PALM2AKAP2: variants seen among roughly 807,000 people sequenced by gnomAD.
PALM2AKAP2 encodes the protein PALM2 and AKAP2 fusion, also known as PALM2-AKAP2 fusion protein.
Under a neutral mutation model 71.5 loss-of-function variants are expected in PALM2AKAP2, and 37 were observed. That is an observed-to-expected ratio of 0.52 (90% CI 0.40 to 0.68). The LOEUF (loss-of-function observed/expected upper bound fraction) is 0.68. PALM2AKAP2 is among the 30% of genes least tolerant of loss of function. PALM2AKAP2 has a pLI of 0.00. For synonymous variants in PALM2AKAP2, 468 were observed against 478.8 expected (o/e 0.98, Z 0.29); for missense variants, 1,224 against 1,191.8 (o/e 1.03, Z -0.40).
intron 3 of PALM2AKAP2, among the ~76,000 whole-genome samples, chr9:110,162,367 G>T (rs1194156597): frequency 1.3e-5 from 2 of 152,154 alleles, no homozygotes; most frequent in Non-Finnish European, 2.9e-5. Flanking sequence ...GCGAGTGGGA[G>T]GGTACTGGGG....
chr9:109,684,846 A>G (rs760138621), intron 1 of PALM2AKAP2, among the ~76,000 whole-genome samples: 2 of 152,216 alleles, frequency 1.3e-5, no homozygotes, highest in South Asian at 2.1e-4. Context: ...AGAGTTGCAC[A>G]TGAATGTCCA....
At chr9:109,971,118 T>C (rs55857236) in intron 6 of PALM2AKAP2, among the ~76,000 whole-genome samples, 5,323 of 151,930 alleles carry the variant, frequency 0.035, 199 homozygotes, top group East Asian at 0.16. Flanking sequence ...AAAGTTTCCT[T>C]AGAAAGAAAG....
At position 109,772,760 on chromosome 9, in the gene PALM2AKAP2, A is replaced by G. The variant is rs144759137; in HGVS notation, c.6-7728A>G. 1.3e-3 allele frequency among the ~76,000 whole-genome samples: 193 copies of G among 152,278 alleles called. 1 individual carries two copies. The highest frequency in any genetic ancestry group is 4.4e-3 in the African/African-American group (184 of 41,556). On this transcript the variant is annotated intron_variant, in intron 1 of 6. Transcript: ENST00000374531. The stretch of plus-strand genomic sequence containing the variant: ...AACCCTTCCAAAAACTTGAAAGCAT[A>G]TTTTATCTTATGTGTTAGCACAACC...
chr9:109,943,135 G>T, intron 6 of PALM2AKAP2: 1 of 1,614,198 alleles, frequency 6.2e-7, no homozygotes, highest in East Asian at 2.2e-5. Flanking sequence ...GATTTTTATG[G>T]GCTACCAAAA....
At chr9:109,977,944 G>C (rs1029168001) in intron 6 of PALM2AKAP2, among the ~76,000 whole-genome samples, 2 of 152,146 alleles carry the variant, frequency 1.3e-5, no homozygotes, top group African/African-American at 4.8e-5. Context: ...CCTGGACCAG[G>C]ACCTTGGCCA....
At chr9:109,685,742 C>T (rs1305659462) in intron 1 of PALM2AKAP2, among the ~76,000 whole-genome samples, 1 of 151,836 alleles carries the variant, frequency 6.6e-6, no homozygotes, top group East Asian at 1.9e-4. Flanking sequence ...TGGTGGTTGC[C>T]AAAGGTTGGG....
intron 5 of PALM2AKAP2, among the ~76,000 whole-genome samples, chr9:109,926,280 AT>A (rs1057428004): frequency 1.3e-5 from 2 of 151,740 alleles, no homozygotes; most frequent in African/African-American, 2.4e-5. Flanking sequence ...GTGATTTTTA[AT>A]TTTTTTTTCC....
At chr9:109,770,444 G>A (rs894293041) in intron 1 of PALM2AKAP2, among the ~76,000 whole-genome samples, 2 of 152,144 alleles carry the variant, frequency 1.3e-5, no homozygotes, top group Non-Finnish European at 2.9e-5. Flanking sequence ...CTCCCCTAAA[G>A]CTTAGAATCA....
At chr9:110,098,153 AAGAGGGG>A (rs1274398379) in intron 1 of PALM2AKAP2, among the ~76,000 whole-genome samples, 15 of 122,474 alleles carry the variant, frequency 1.2e-4, no homozygotes, top group Middle Eastern at 4.4e-3. Flanking sequence ...AGACAGTGGA[AAGAGGGG>A]AGAGGGGAGA....
chr9:110,167,476 C>T (rs61600436), intron 3 of PALM2AKAP2, among the ~76,000 whole-genome samples: 3 of 151,892 alleles, frequency 2.0e-5, no homozygotes, highest in African/African-American at 7.3e-5. Context: ...TCTGGAATCT[C>T]TTCTTGATCA....
At chr9:110,156,352 C>T in exon 3 of PALM2AKAP2, 9 of 1,605,334 alleles carry the variant, frequency 5.6e-6, no homozygotes, top group Non-Finnish European at 7.7e-6. Context: ...CCTCCATCCC[C>T]CACCACTGAA....
intron 6 of PALM2AKAP2, among the ~76,000 whole-genome samples, chr9:110,005,038 C>T (rs982411567): frequency 1.6e-4 from 24 of 152,346 alleles, no homozygotes; most frequent in African/African-American, 5.8e-4. Flanking sequence ...TCGTCAAAGT[C>T]ATTCTCTGTC....
rs1033852668 is a variant in PALM2AKAP2, at chr9:109,980,408, A to G, written c.497-35546A>G. ...TTCCTCAAAGCAAATGGGAGGGCCA[A>G]GTAAGAGAATTTATACAAGGGCTTT... On this transcript the variant is annotated intron_variant, in intron 6 of 9. Transcript: ENST00000302798. Among the ~76,000 whole-genome samples the G allele has an allele frequency of 4.6e-5, 7 of 152,294 alleles. No individual in the cohort carries two copies. The South Asian group carries it at 8.3e-4, about 18-fold the overall frequency.
At chr9:110,059,133 C>T (rs1486600535) in intron 1 of PALM2AKAP2, among the ~76,000 whole-genome samples, 1 of 152,260 alleles carries the variant, frequency 6.6e-6, no homozygotes, top group South Asian at 2.1e-4. Flanking sequence ...CTCCTGACCT[C>T]AAGTGATCCG....
chr9:109,772,505 T>C (rs1009527274), intron 1 of PALM2AKAP2, among the ~76,000 whole-genome samples: 1 of 152,250 alleles, frequency 6.6e-6, no homozygotes, highest in Non-Finnish European at 1.5e-5. Context: ...ATCCAAGTTT[T>C]TCTGTTTCCT....
intron 6 of PALM2AKAP2, chr9:109,943,005 A>G: frequency 6.2e-7 from 1 of 1,614,214 alleles, no homozygotes; most frequent in Non-Finnish European, 8.5e-7. Flanking sequence ...TCTGCAAAGA[A>G]GCTAAGTTAG....
chr9:109,683,448 A>G (rs993543900), intron 1 of PALM2AKAP2, among the ~76,000 whole-genome samples: 1 of 152,164 alleles, frequency 6.6e-6, no homozygotes, highest in African/African-American at 2.4e-5. Context: ...AGGGACAGAA[A>G]GGATTGCTAA....
intron 1 of PALM2AKAP2, chr9:110,125,485 C>T (rs1219375361): frequency 9.3e-5 from 92 of 984,980 alleles, no homozygotes; most frequent in East Asian, 1.1e-4. Flanking sequence ...CACAGTCTTC[C>T]GTCAGGAGGC....
At chr9:109,669,899 A>G (rs1415991135) in intron 1 of PALM2AKAP2, among the ~76,000 whole-genome samples, 1 of 151,412 alleles carries the variant, frequency 6.6e-6, no homozygotes, top group Non-Finnish European at 1.5e-5. Flanking sequence ...TTTATTGTTT[A>G]TCTTTCATTT....
Sources: allele counts gnomAD v4.1 joint callset (sites outside exome capture counted in the v4.1 genomes callset), GRCh38; gene constraint gnomAD v4.1.1; transcripts MANE v1.5; gene names NCBI Gene and HGNC (gene_info 2026-07-23, HGNC 2026-07-21).